The following MGAT4C variants were observed in gnomAD, a reference collection of about 807,000 sequenced individuals.
The protein encoded by MGAT4C is MGAT4 family member C.
MGAT4C carries 19 observed loss-of-function variants against 40.1 expected under a neutral mutation model. The observed-to-expected ratio is 0.47, with a 90% confidence interval of 0.33 to 0.70. The LOEUF is 0.70. Among genes scored for constraint, MGAT4C ranks in the 30% least tolerant of loss-of-function variants. The pLI is 0.02. For missense variants in MGAT4C, 491 were observed against 563.2 expected, an observed-to-expected ratio of 0.87 and a Z score of 1.30; for synonymous variants, 181 against 187.1, an observed-to-expected ratio of 0.97 and a Z score of 0.27.
chr12:86,228,331 C>T (rs1951178254), intron 1 of MGAT4C, among the ~76,000 whole-genome samples: 1 of 151,806 alleles, frequency 6.6e-6, no homozygotes, highest in Admixed American at 6.6e-5. Context: ...TACCTGAGTG[C>T]ACCTCTATTT....
intron 1 of MGAT4C, among the ~76,000 whole-genome samples, chr12:86,780,791 C>T (rs1422352337): frequency 6.6e-6 from 1 of 152,160 alleles, no homozygotes; most frequent in Non-Finnish European, 1.5e-5. Flanking sequence ...CATAATTTCT[C>T]ATCCCTCACT....
chr12:86,485,537 G>C (rs1365587790), intron 2 of MGAT4C, among the ~76,000 whole-genome samples: 1 of 151,996 alleles, frequency 6.6e-6, no homozygotes, highest in Non-Finnish European at 1.5e-5. Flanking sequence ...TAATAATAAA[G>C]AAAAGAAATT....
chr12:86,427,988 C>G (rs2136265022), intron 3 of MGAT4C, among the ~76,000 whole-genome samples: 1 of 152,030 alleles, frequency 6.6e-6, no homozygotes, highest in South Asian at 2.1e-4. Context: ...TCCCTGCACT[C>G]CAGCCAGGGA....
chr12:86,550,680 G>C (rs998795919), intron 2 of MGAT4C, among the ~76,000 whole-genome samples: 1 of 151,758 alleles, frequency 6.6e-6, no homozygotes, highest in East Asian at 2.0e-4. Flanking sequence ...TGCAGAGCAG[G>C]GAAACTAACA....
At chr12:86,528,156 C>T (rs968262395) in intron 2 of MGAT4C, among the ~76,000 whole-genome samples, 2 of 151,956 alleles carry the variant, frequency 1.3e-5, no homozygotes, top group African/African-American at 4.8e-5. Context: ...AATAATGCTG[C>T]ATAAATACAT....
chr12:86,477,471 A>G (rs533369758), intron 2 of MGAT4C, among the ~76,000 whole-genome samples: 1 of 152,102 alleles, frequency 6.6e-6, no homozygotes, highest in South Asian at 2.1e-4. Context: ...TGATAAGATC[A>G]TTGGTACCCA....
At chr12:86,184,736 G>A (rs1467775725) in intron 1 of MGAT4C, among the ~76,000 whole-genome samples, 1 of 34,356 alleles carries the variant, frequency 2.9e-5, no homozygotes, top group Admixed American at 4.3e-4. Context: ...TTTTTCTCCT[G>A]TTAAAAAAAA....
chr12:86,009,074 T>C (rs1888194958), intron 2 of MGAT4C, among the ~76,000 whole-genome samples: 2 of 152,308 alleles, frequency 1.3e-5, no homozygotes, highest in South Asian at 2.1e-4. Context: ...CTTTTGCTAT[T>C]GGAGTGCCAA....
chr12:86,503,858 C>T (rs1200088810), intron 2 of MGAT4C, among the ~76,000 whole-genome samples: 1 of 125,982 alleles, frequency 7.9e-6, no homozygotes, highest in Non-Finnish European at 1.6e-5. Context: ...AAACTTAAAG[C>T]TTCCCTAAAA....
At chr12:85,984,551 C>T (rs991456926) in intron 3 of MGAT4C, among the ~76,000 whole-genome samples, 2 of 152,018 alleles carry the variant, frequency 1.3e-5, no homozygotes, top group Non-Finnish European at 2.9e-5. Flanking sequence ...CCACTAATTG[C>T]CCTTCTTTGA....
At position 85,980,012 on chromosome 12, in the gene MGAT4C, C is replaced by T. The variant is rs1374957624; in HGVS notation, c.714G>A (p.Lys238=). 1 of 1,613,656 alleles carries T rather than the reference C, an allele frequency of 6.2e-7. No individual in the cohort carries two copies. The highest frequency in any genetic ancestry group is 1.7e-5 in the Admixed American group (1 of 59,912). The part of the protein sequence containing the change: ...RCSKNFLTAI[K]KVIASLEGTY... ...TTCCTTCTAGGGATGCAATGACTTT[C>T]TTGATGGCAGTTAAGAAATTTTTTG... is the stretch of plus-strand genomic sequence containing the variant. The change falls in exon 5 of 5, where the codon AAG becomes AAA. Residue 238 remains lysine, a synonymous_variant. Transcript: ENST00000611864.
intron 1 of MGAT4C, among the ~76,000 whole-genome samples, chr12:86,171,346 G>A (rs529782675): frequency 1.3e-5 from 2 of 152,232 alleles, no homozygotes; most frequent in Admixed American, 6.5e-5. Flanking sequence ...TCCAGCCTGG[G>A]CAACAAGAGT....
intron 1 of MGAT4C, among the ~76,000 whole-genome samples, chr12:86,748,958 T>C (rs1951194568): frequency 6.6e-6 from 1 of 150,960 alleles, no homozygotes; most frequent in African/African-American, 2.4e-5. Context: ...TTTTTTTTTT[T>C]CAATTACATC....
intron 3 of MGAT4C, among the ~76,000 whole-genome samples, chr12:86,418,333 T>C (rs1324506150): frequency 6.6e-6 from 1 of 152,136 alleles, no homozygotes; most frequent in African/African-American, 2.4e-5. Flanking sequence ...CTGGGCACAG[T>C]GGCTCATGCC....
intron 2 of MGAT4C, among the ~76,000 whole-genome samples, chr12:86,014,884 T>C (rs998245233): frequency 6.6e-6 from 1 of 151,952 alleles, no homozygotes; most frequent in African/African-American, 2.4e-5. Flanking sequence ...AGGGCTCAAA[T>C]GATCCTCCCA....
intron 2 of MGAT4C, among the ~76,000 whole-genome samples, chr12:86,615,134 GC>G (rs1565884745): frequency 6.6e-6 from 1 of 151,840 alleles, no homozygotes; most frequent in Admixed American, 6.6e-5. Context: ...AGTCCAGTGA[GC>G]AAAAAGAAGG....
rs1230016870 is a variant in MGAT4C at position 86,325,848 on chromosome 12, GCCTGGGCAACAGACTGAGAC to G, written c.-57+8197_-57+8216del. Among the ~76,000 whole-genome samples, 5 of 151,534 alleles carry G rather than the reference GCCTGGGCAACAGACTGAGAC, an allele frequency of 3.3e-5. No homozygotes were observed. In the East Asian group the frequency reaches 9.8e-4, roughly 30 times the overall value. ...GCAGTGATCATACCACTGCACTCTT[GCCTGGGCAACAGACTGAGAC>G]CCTGTCTCCAAAAAGAAAAAAAAAA... On this transcript the variant is annotated intron_variant, in intron 4 of 7. Transcript: ENST00000548651.
At chr12:86,215,858 T>G (rs1341898135) in intron 1 of MGAT4C, among the ~76,000 whole-genome samples, 1 of 152,076 alleles carries the variant, frequency 6.6e-6, no homozygotes, top group African/African-American at 2.4e-5. Context: ...TTATGCTCCT[T>G]GTTATCTTGC....
intron 3 of MGAT4C, among the ~76,000 whole-genome samples, chr12:86,425,077 A>T (rs1956900911): frequency 6.6e-6 from 1 of 151,986 alleles, no homozygotes; most frequent in Non-Finnish European, 1.5e-5. Flanking sequence ...AGCTAAGTCT[A>T]GACAGTGAGA....
Sources: gnomAD v4.1 joint callset for allele counts (sites outside exome capture counted in the v4.1 genomes callset) on GRCh38, gnomAD v4.1.1 for gene constraint, MANE v1.5 for transcripts, NCBI Gene and HGNC (gene_info 2026-07-23, HGNC 2026-07-21) for gene names.